The following TSC22D3 variants were observed in gnomAD, a reference collection of about 807,000 sequenced individuals.
TSC22D3 encodes TSC22 domain family protein 3.
In TSC22D3, 4 loss-of-function variants were observed where a neutral mutation model predicts 11.1. The ratio of observed to expected loss-of-function variants is 0.36; its 90% CI spans 0.18 to 0.83. The LOEUF is 0.83. Ranked by LOEUF, TSC22D3 falls within the 40% of genes least tolerant of loss-of-function variation. The pLI is 0.48. For missense variants in TSC22D3, 118 were observed against 159.4 expected, an observed-to-expected ratio of 0.74 and a Z score of 1.40; for synonymous variants, 77 against 70.3, an observed-to-expected ratio of 1.10 and a Z score of -0.48.
chrX:107,771,677 T>G (rs969515349), intron 1 of TSC22D3, among the ~76,000 whole-genome samples: 2 of 112,990 alleles, frequency 1.8e-5, no homozygotes, highest in Non-Finnish European at 3.7e-5. Context: ...ACATTGTGAA[T>G]GTTCAAGAAG....
At chrX:107,773,673 C>T (rs1299850372) in intron 1 of TSC22D3, among the ~76,000 whole-genome samples, 1 of 111,855 alleles carries the variant, frequency 8.9e-6, no homozygotes, top group Non-Finnish European at 1.9e-5. Context: ...TGAGAAAGGG[C>T]TTCAATGGTG....
At chrX:107,721,126 G>T (rs1460608671) in intron 1 of TSC22D3, among the ~76,000 whole-genome samples, 1 of 111,962 alleles carries the variant, frequency 8.9e-6, no homozygotes, top group African/African-American at 3.2e-5. Context: ...CTCAGCTGTA[G>T]TCTTAAAGGG....
At chrX:107,722,988 T>C (rs1267601345) in intron 1 of TSC22D3, among the ~76,000 whole-genome samples, 1 of 110,465 alleles carries the variant, frequency 9.1e-6, no homozygotes, top group Non-Finnish European at 1.9e-5. Flanking sequence ...AATTCAGAAG[T>C]CTCCCTACTG....
intron 1 of TSC22D3, among the ~76,000 whole-genome samples, chrX:107,749,053 G>C (rs1412934369): frequency 3.6e-5 from 4 of 111,504 alleles, no homozygotes; most frequent in Non-Finnish European, 7.5e-5. Flanking sequence ...GGACAGGACA[G>C]GTCAGGTGCG....
chrX:107,752,842 C>T (rs912938596), intron 1 of TSC22D3, among the ~76,000 whole-genome samples: 1 of 111,783 alleles, frequency 8.9e-6, no homozygotes, highest in African/African-American at 3.3e-5. Flanking sequence ...AAGACTCTGT[C>T]CCAGGCTCAG....
At chrX:107,752,944 A>G (rs1347371028) in intron 1 of TSC22D3, among the ~76,000 whole-genome samples, 1 of 111,714 alleles carries the variant, frequency 9.0e-6, no homozygotes, top group African/African-American at 3.3e-5. Flanking sequence ...ACAGAACCCA[A>G]CTGAGTGAAT....
intron 1 of TSC22D3, among the ~76,000 whole-genome samples, chrX:107,753,838 T>C (rs1929048971): frequency 9.0e-6 from 1 of 111,611 alleles, no homozygotes; most frequent in Admixed American, 9.5e-5. Context: ...GGGTGCAAGC[T>C]TATTTTCATA....
At chrX:107,734,846 G>A (rs1396297833) in intron 1 of TSC22D3, among the ~76,000 whole-genome samples, 3 of 85,089 alleles carry the variant, frequency 3.5e-5, no homozygotes, top group Non-Finnish European at 6.3e-5. Context: ...CACTTTTCAC[G>A]CATTATTTTA....
chrX:107,774,265 G>A (rs1390039593), intron 1 of TSC22D3, among the ~76,000 whole-genome samples: 1 of 111,743 alleles, frequency 8.9e-6, no homozygotes, highest in East Asian at 2.8e-4. Context: ...ACTGGTTCTT[G>A]CCAGAGTGTC....
Position 107,767,220 on chromosome X carries a change from T to C in TSC22D3, c.320+7880A>G, listed in dbSNP as rs748134373. Among the ~76,000 whole-genome samples the C allele has an allele frequency of 3.6e-5, 4 of 111,830 alleles. No homozygotes were observed. In the East Asian group the frequency reaches 1.1e-3, roughly 32 times the overall value. ...ACTCAAGCCTATTCTGTGAGTAAAG[T>C]CTTCCTTCGAGGAAGGATGGGGAAG... On this transcript the variant is annotated intron_variant, in intron 1 of 2. Transcript: ENST00000372383.
At chrX:107,747,118 C>T (rs1290296117) in intron 1 of TSC22D3, among the ~76,000 whole-genome samples, 1 of 112,952 alleles carries the variant, frequency 8.9e-6, no homozygotes, top group Non-Finnish European at 1.9e-5. Context: ...CAAAATCTTT[C>T]CCTGATGGTT....
chrX:107,721,681 C>A (rs769189630), intron 1 of TSC22D3, among the ~76,000 whole-genome samples: 1 of 111,548 alleles, frequency 9.0e-6, no homozygotes, highest in African/African-American at 3.3e-5. Context: ...GCGAGAGGTG[C>A]GGGAGAAGCC....
At chrX:107,725,940 C>T (rs1392984905) in intron 1 of TSC22D3, among the ~76,000 whole-genome samples, 1 of 111,962 alleles carries the variant, frequency 8.9e-6, no homozygotes, top group East Asian at 2.8e-4. Flanking sequence ...ACCAGCTCTT[C>T]TCCAGCCTTG....
intron 1 of TSC22D3, among the ~76,000 whole-genome samples, chrX:107,731,184 C>T (rs774299690): frequency 9.8e-5 from 11 of 112,141 alleles, no homozygotes; most frequent in Non-Finnish European, 1.9e-4. Flanking sequence ...AGAAAGATTG[C>T]TTATCAGTGA....
At chrX:107,725,385 G>C (rs187812188) in intron 1 of TSC22D3, among the ~76,000 whole-genome samples, 1 of 112,007 alleles carries the variant, frequency 8.9e-6, no homozygotes, top group Non-Finnish European at 1.9e-5. Flanking sequence ...AGCATGTCTA[G>C]TGGAATAGGC....
chrX:107,727,322 G>A (rs1927687484), intron 1 of TSC22D3, among the ~76,000 whole-genome samples: 1 of 111,944 alleles, frequency 8.9e-6, no homozygotes, highest in African/African-American at 3.3e-5. Context: ...AAGAAAATAT[G>A]TCAGAAGGCC....
intron 1 of TSC22D3, among the ~76,000 whole-genome samples, chrX:107,729,703 G>A (rs1238076227): frequency 1.8e-5 from 2 of 112,555 alleles, no homozygotes; most frequent in African/African-American, 3.2e-5. Context: ...CTCCACCCCC[G>A]GGGCCCTGTT....
intron 1 of TSC22D3, among the ~76,000 whole-genome samples, chrX:107,761,889 G>T (rs1929451315): frequency 8.9e-6 from 1 of 112,255 alleles, no homozygotes; most frequent in Admixed American, 9.4e-5. Context: ...CGGGGCACTT[G>T]CAGTGCCCCA....
intron 1 of TSC22D3, among the ~76,000 whole-genome samples, chrX:107,736,880 G>A (rs985550548): frequency 9.0e-6 from 1 of 111,449 alleles, no homozygotes; most frequent in Non-Finnish European, 1.9e-5. Flanking sequence ...GCTGAGGGCG[G>A]TGACTATCAA....
Sources: allele counts gnomAD v4.1 joint callset (sites outside exome capture counted in the v4.1 genomes callset), GRCh38; gene constraint gnomAD v4.1.1; transcripts MANE v1.5; gene names NCBI Gene and HGNC (gene_info 2026-07-23, HGNC 2026-07-21).